The following GAD1 variants were observed in gnomAD, a reference collection of about 807,000 sequenced individuals.
GAD1 encodes glutamate decarboxylase 1, also known as 67 kDa glutamic acid decarboxylase.
A neutral mutation model predicts 75.2 loss-of-function variants in GAD1; 35 were observed. That is an observed-to-expected ratio of 0.47 (90% CI 0.36 to 0.62). The LOEUF is 0.62. Ranked by LOEUF, GAD1 falls within the 20% of genes least tolerant of loss-of-function variation. The probability of loss-of-function intolerance (pLI) is 0.00; values close to 1 mark genes in which losing one functional copy is unlikely to be tolerated. For synonymous variants in GAD1, 257 were observed against 271.9 expected (o/e 0.95, Z 0.54); for missense variants, 490 against 758.5 (o/e 0.65, Z 4.16).
intron 14 of GAD1, 148 bp downstream of exon 14, chr2:170,854,170 TG>T: frequency 2.4e-6 from 2 of 843,424 alleles, no homozygotes; most frequent in Non-Finnish European, 3.8e-6. Context: ...TCTTTGTGAA[TG>T]AAATTACTTT....
At chr2:170,859,290 ATCTTATCCAGGGTTCT>A (rs1702913846) in intron 16 of GAD1, among the ~76,000 whole-genome samples, 1 of 152,200 alleles carries the variant, frequency 6.6e-6, no homozygotes, top group South Asian at 2.1e-4. Flanking sequence ...TCCAGTTTAT[ATCTTATCCAGGGTTCT>A]TAAGATTATA....
At position 170,853,128 on chromosome 2, in the gene GAD1, G is replaced by T. The variant is rs1330564589; in HGVS notation, c.1263+336G>T. On this transcript the variant is annotated intron_variant, in intron 13 of 16. Transcript: ENST00000358196. This position sits in a 1 kb window ranked among gnomAD's most constrained non-coding sequence, Gnocchi z 4.1. ...TCCAATCAGTTTTGTCCTCAGTGAGGACAAAAGCACTCACTGGAGCATACT... is the reference window on the plus strand; with the variant it reads ...TCCAATCAGTTTTGTCCTCAGTGAGTACAAAAGCACTCACTGGAGCATACT... The T allele has an allele frequency of 1.3e-5, 5 of 391,504 alleles. No individual in the cohort carries two copies. In the Admixed American group the frequency reaches 1.5e-4, roughly 12 times the overall value. 24.3% of individuals were successfully genotyped at this position (391,504 alleles called of 1,614,324 possible). A position where few individuals can be genotyped will look rare whatever the true frequency, so the allele number is the denominator to read the frequency against.
chr2:170,828,349 T>C lies in GAD1; in HGVS notation c.146-1126T>C, dbSNP rs558742854. Among the ~76,000 whole-genome samples the C allele has an allele frequency of 1.4e-4, 18 of 126,152 alleles. No individual in the cohort carries two copies. The East Asian group carries it at 4.3e-3, about 30-fold the overall frequency. The allele number at this position is 126,152 out of a possible 152,430, so 82.8% of individuals were successfully genotyped here. ...CCCTCTGCTGTCATCTTCCTCCCTC[T>C]GCTGTCCTCATCCCCTTCCCTCTGC... On this transcript the variant is annotated intron_variant, in intron 3 of 16. Coordinates refer to ENST00000358196, the MANE Select transcript of GAD1 (RefSeq NM_000817.3).
At chr2:170,828,262 C>G (rs1702085504) in intron 3 of GAD1, among the ~76,000 whole-genome samples, 1 of 136,690 alleles carries the variant, frequency 7.3e-6, no homozygotes, top group African/African-American at 2.7e-5. Flanking sequence ...TCTCTGCTGT[C>G]CTCACCCCTC....
chr2:170,830,569 C>T (rs1166819872), intron 4 of GAD1, among the ~76,000 whole-genome samples: 2 of 152,252 alleles, frequency 1.3e-5, no homozygotes, highest in South Asian at 4.1e-4. Context: ...CCAAGCACAT[C>T]ACAACACCAA....
chr2:170,859,779 A>C lies in GAD1; in HGVS notation c.1682A>C (p.Asp561Ala). The C allele has an allele frequency of 6.2e-7, 1 of 1,614,178 alleles. No homozygotes were observed. Among genetic ancestry groups the C allele is most frequent in the Non-Finnish European group, 8.5e-7 (1 of 1,180,028 alleles). Residue 561 changes from aspartate to alanine, a missense_variant, in exon 17 of 17, where the codon GAC (aspartate) becomes GCC (alanine). Asp to Ala is a moderately radical substitution (Grantham distance 126). Transcript: ENST00000358196. ...TTMVGYQPQG[D>A]KANFFRMVIS... ...ATGGTTGGCTACCAGCCCCAAGGGG[A>C]CAAGGCCAACTTCTTCCGGATGGTC...
intron 6 of GAD1, among the ~76,000 whole-genome samples, chr2:170,840,580 T>C (rs1702487487): frequency 7.0e-6 from 1 of 142,538 alleles, no homozygotes; most frequent in Admixed American, 7.3e-5. Flanking sequence ...GCTCCAGCCA[T>C]CACTCCGGTG....
At chr2:170,831,792 A>G (rs1339424666) in intron 5 of GAD1, among the ~76,000 whole-genome samples, 1 of 145,702 alleles carries the variant, frequency 6.9e-6, no homozygotes, top group African/African-American at 2.5e-5. Context: ...ATTATATATT[A>G]TATATAAATA....
rs188062904 is a variant in GAD1 at position 170,847,181 on chromosome 2, A to G, written c.1003-495A>G. Among the ~76,000 whole-genome samples, 295 of 152,364 alleles carry G rather than the reference A, an allele frequency of 1.9e-3. 1 individual carries two copies. The highest frequency in any genetic ancestry group is 6.7e-3 in the African/African-American group (278 of 41,590). Reference sequence around the variant, plus strand: ...AAATAATTGAACCCCACAATGTTTCAGTATAATTATTATATCAATACACTT... The same window carrying G: ...AAATAATTGAACCCCACAATGTTTCGGTATAATTATTATATCAATACACTT... On this transcript the variant is annotated intron_variant, in intron 10 of 16. Coordinates refer to ENST00000358196, the MANE Select transcript of GAD1 (RefSeq NM_000817.3).
chr2:170,828,038 C>T (rs566833423), intron 3 of GAD1, among the ~76,000 whole-genome samples: 154 of 151,292 alleles, frequency 1.0e-3, no homozygotes, highest in Non-Finnish European at 8.8e-5. Flanking sequence ...ACTTCTCCTT[C>T]TGCCATCCTC....
chr2:170,836,403 A>T (rs989059023), intron 5 of GAD1, among the ~76,000 whole-genome samples: 1 of 152,192 alleles, frequency 6.6e-6, no homozygotes, highest in Non-Finnish European at 1.5e-5. Flanking sequence ...CCAACAACTG[A>T]ATGAGTGAAA....
chr2:170,860,823 C>CAT lies in GAD1; in HGVS notation c.*948_*949dup, dbSNP rs1362277608. On this transcript the variant is annotated 3_prime_UTR_variant, in exon 17 of 17. Coordinates refer to ENST00000358196, the MANE Select transcript of GAD1 (RefSeq NM_000817.3). ...AGAATTCTAAGATTGTACATAAAGTCATATATATGGAAATCCTGTTACTTA... is the reference window on the plus strand; with the variant it reads ...AGAATTCTAAGATTGTACATAAAGTCATATATATATGGAAATCCTGTTACTTA... 1.3e-5 allele frequency: 2 copies of CAT among 152,554 alleles called. No homozygotes were observed. Among genetic ancestry groups the CAT allele is most frequent in the South Asian group, 2.1e-4 (1 of 4,828 alleles). The allele number at this position is 152,554 out of a possible 1,614,324, so 9.5% of individuals were successfully genotyped here. A position where few individuals can be genotyped will look rare whatever the true frequency, so the allele number is the denominator to read the frequency against.
chr2:170,824,473 C>T (rs146899222), intron 3 of GAD1, among the ~76,000 whole-genome samples: 126 of 152,078 alleles, frequency 8.3e-4, no homozygotes, highest in African/African-American at 2.8e-3. Context: ...CTTGACTTGA[C>T]ACCATCCAGG....
At chr2:170,854,351 A>T (rs375865560) in intron 14 of GAD1, among the ~76,000 whole-genome samples, 6 of 151,050 alleles carry the variant, frequency 4.0e-5, no homozygotes, top group Non-Finnish European at 5.9e-5. Flanking sequence ...AGAGAAAGAT[A>T]AAAAAAAATA....
intron 3 of GAD1, among the ~76,000 whole-genome samples, chr2:170,828,292 C>G (rs1018121260): frequency 2.9e-5 from 4 of 137,386 alleles, no homozygotes; most frequent in Admixed American, 1.4e-4. Flanking sequence ...CTGCTGTCCT[C>G]ACCCTCCTCC....
At chr2:170,839,734 T>C (rs1306246649) in intron 6 of GAD1, among the ~76,000 whole-genome samples, 1 of 152,124 alleles carries the variant, frequency 6.6e-6, no homozygotes, top group African/African-American at 2.4e-5. Flanking sequence ...CACAAATATG[T>C]AGTTATCCAA....
intron 14 of GAD1, among the ~76,000 whole-genome samples, chr2:170,855,898 C>T (rs567840290): frequency 6.9e-6 from 1 of 145,608 alleles, no homozygotes; most frequent in South Asian, 2.2e-4. Context: ...AAAAAAAAGC[C>T]ATAAACGGCA....
In GAD1 at chr2:170,859,818, C is replaced by T; in HGVS notation, c.1721C>T (p.Ala574Val). The T allele has an allele frequency of 6.2e-7, 1 of 1,614,130 alleles. No individual in the cohort carries two copies. The highest frequency in any genetic ancestry group is 8.5e-7 in the Non-Finnish European group (1 of 1,180,032). ...NFFRMVISNP[A>V]ATQSDIDFLI... ...TTCCGGATGGTCATCTCCAACCCAG[C>T]CGCTACCCAGTCTGACATTGACTTC... The change falls in exon 17 of 17, where the codon GCC becomes GTC. Residue 574 changes from alanine (A) to valine (V), a missense_variant. This residue lies in a region of GAD1 where 324 missense variants were observed against 523.9 expected (regional missense o/e 0.62). Transcript: ENST00000358196.
chr2:170,849,232 T>G, intron 11 of GAD1, 54 bp from the exon 12 acceptor site: 3 of 1,502,314 alleles, frequency 2.0e-6, no homozygotes, highest in Admixed American at 1.7e-5. Flanking sequence ...TGACTAGTTT[T>G]AGATTCTTAA....
Sources: allele counts gnomAD v4.1 joint callset (sites outside exome capture counted in the v4.1 genomes callset), GRCh38; gene constraint gnomAD v4.1.1; regional missense constraint gnomAD v4.1.1; non-coding constraint Gnocchi (gnomAD v3.1); transcripts MANE v1.5; gene names NCBI Gene and HGNC (gene_info 2026-07-23, HGNC 2026-07-21).